RNF213: variants seen among roughly 807,000 people sequenced by gnomAD.
RNF213 encodes E3 ubiquitin-protein ligase RNF213.
In RNF213, 341 loss-of-function variants were observed where a neutral mutation model predicts 514.4. The observed-to-expected ratio is 0.66, with a 90% CI of 0.61 to 0.73. The LOEUF (loss-of-function observed/expected upper bound fraction) is 0.73, where lower values mean the gene tolerates loss of function less well. Among genes scored for constraint, RNF213 ranks in the 30% least tolerant of loss-of-function variants. The probability of loss-of-function intolerance (pLI) is 0.00; values close to 1 mark genes in which losing one functional copy is unlikely to be tolerated. For synonymous variants in RNF213, 2,655 were observed against 2,658.2 expected, an observed-to-expected ratio of 1.00 and a Z score of 0.04; for missense variants, 5,767 against 6,615.6, an observed-to-expected ratio of 0.87 and a Z score of 4.45.
At chr17:80,275,844 G>A (rs8070547) in intron 3 of RNF213, among the ~76,000 whole-genome samples, 75,573 of 151,102 alleles carry the variant, frequency 0.5, 19,119 homozygotes, top group East Asian at 0.62. Flanking sequence ...TTGTATTTTT[G>A]GTAGAGACGG....
chr17:80,262,605 G>A (rs1307229253), intron 1 of RNF213, among the ~76,000 whole-genome samples: 2 of 152,180 alleles, frequency 1.3e-5, no homozygotes, highest in African/African-American at 4.8e-5. Flanking sequence ...GTTTCATGGT[G>A]TGGATTTCCT....
At position 80,292,639 on chromosome 17, in the gene RNF213, G is replaced by A. The variant is rs532806298; in HGVS notation, c.1471+812G>A. Among the ~76,000 whole-genome samples, 9 of 151,682 alleles carry A rather than the reference G, an allele frequency of 5.9e-5. No individual in the cohort carries two copies. The South Asian group carries it at 1.7e-3, about 28-fold the overall frequency. On this transcript the variant is annotated intron_variant, in intron 8 of 67. Coordinates refer to ENST00000582970, the MANE Select transcript of RNF213 (RefSeq NM_001256071.3). ...AATAGACGCGGGCGCTTCCCTTCTCGCAGAGCCCTCTGCGCCCCTTCATGC... is the reference window on the plus strand; with the variant it reads ...AATAGACGCGGGCGCTTCCCTTCTCACAGAGCCCTCTGCGCCCCTTCATGC...
rs143804219 is a variant in RNF213, at chr17:80,345,831, A to G, written c.7496A>G (p.Lys2499Arg). 6.0e-5 allele frequency: 97 copies of G among 1,614,014 alleles called. No homozygotes were observed. Among genetic ancestry groups the G allele is most frequent in the Non-Finnish European group, 7.9e-5 (93 of 1,180,048 alleles). Residue 2499 changes from lysine to arginine, a missense_variant, in exon 29 of 68, where the codon AAA (lysine) becomes AGA (arginine). By Grantham distance (26) the Lys-to-Arg change is conservative (BLOSUM62 2). Around this residue, in one of 13 missense-constraint regions of RNF213, gnomAD observed 1,377 missense variants for 1,635.2 expected, o/e 0.84. Coordinates refer to ENST00000582970, the MANE Select transcript of RNF213 (RefSeq NM_001256071.3). This position sits in a 1 kb window ranked among gnomAD's most constrained non-coding sequence, Gnocchi z 6.0. ...ACAACGGAAGCTATAAGCTGTATCAAAGAAGTCCTGTGTGATCATATGGTG... is the reference window on the plus strand; with the variant it reads ...ACAACGGAAGCTATAAGCTGTATCAGAGAAGTCCTGTGTGATCATATGGTG... ...ANTTEAISCI[K>R]EVLCDHMVDG...
chr17:80,366,156 G>C (rs1221113552), intron 42 of RNF213, among the ~76,000 whole-genome samples: 4 of 152,232 alleles, frequency 2.6e-5, no homozygotes, highest in Non-Finnish European at 4.4e-5. Flanking sequence ...TCCGCCGTGA[G>C]GCTGGCTCCC....
At chr17:80,324,490 A>G (rs1311577640) in intron 17 of RNF213, among the ~76,000 whole-genome samples, 2 of 152,146 alleles carry the variant, frequency 1.3e-5, no homozygotes, top group African/African-American at 4.8e-5. Context: ...TTATCCTTTT[A>G]AATGTCAGAA....
chr17:80,285,422 C>T (rs894932397), intron 3 of RNF213, among the ~76,000 whole-genome samples: 11 of 152,314 alleles, frequency 7.2e-5, no homozygotes, highest in East Asian at 3.9e-4. Flanking sequence ...ATCGCCTCTC[C>T]GAGGGGAGGC....
chr17:80,348,308 T>C, intron 29 of RNF213, 22 bp downstream of exon 29: 1 of 1,607,144 alleles, frequency 6.2e-7, no homozygotes, highest in Non-Finnish European at 8.5e-7. Context: ...TCTGCACTTG[T>C]ACCCTATCCC....
At chr17:80,291,931 G>T (rs1340536917) in intron 8 of RNF213, 104 bp downstream of exon 8, 1 of 1,252,594 alleles carries the variant, frequency 8.0e-7, no homozygotes, top group Non-Finnish European at 1.1e-6. Context: ...TGCCTGGGCA[G>T]TGAGGTCCTC....
intron 21 of RNF213, 190 bp from the exon 22 acceptor site, chr17:80,333,915 A>C (rs1012074947): frequency 2.3e-5 from 14 of 601,938 alleles, no homozygotes; most frequent in Non-Finnish European, 4.1e-5. Flanking sequence ...CATCTTGATC[A>C]GGGAGAAACA....
At chr17:80,269,849 C>G (rs999784711) in intron 2 of RNF213, among the ~76,000 whole-genome samples, 2 of 152,346 alleles carry the variant, frequency 1.3e-5, no homozygotes, top group South Asian at 2.1e-4. Context: ...TAACCCTGTT[C>G]TATACTGTGA....
chr17:80,336,661 T>C lies in RNF213; in HGVS notation c.4527+283T>C, dbSNP rs2077995808. 14 of 430,514 alleles carry C rather than the reference T, an allele frequency of 3.3e-5. 1 individual carries two copies. Among genetic ancestry groups the C allele is most frequent in the South Asian group, 2.1e-4 (10 of 48,402 alleles). The allele number at this position is 430,514 out of a possible 1,614,324, so 26.7% of individuals were successfully genotyped here. A position where few individuals can be genotyped will look rare whatever the true frequency, so the allele number is the denominator to read the frequency against. On this transcript the variant is annotated intron_variant, in intron 23 of 67. Transcript: ENST00000582970. ...TGCTGAAACGTTGCCAGGAGTTTTC[T>C]CTGAATGGTTGTAATTGTCATTTTA...
chr17:80,381,137 T>C (rs912497489), intron 56 of RNF213, 150 bp downstream of exon 56: 29 of 843,290 alleles, frequency 3.4e-5, no homozygotes, highest in Non-Finnish European at 4.8e-5. Flanking sequence ...TACATCTTCA[T>C]GTTTCCCCCT....
At chr17:80,390,542 G>A (rs770630967) in intron 67 of RNF213, among the ~76,000 whole-genome samples, 4 of 151,992 alleles carry the variant, frequency 2.6e-5, no homozygotes, top group African/African-American at 9.7e-5. Context: ...GACTACAGGC[G>A]TGTACCACCA....
chr17:80,368,288 G>T, intron 44 of RNF213, 145 bp downstream of exon 44: 1 of 832,790 alleles, frequency 1.2e-6, no homozygotes, highest in Non-Finnish European at 2.0e-6. Context: ...CGCCACTTAC[G>T]TACTTTCATA....
intron 17 of RNF213, chr17:80,319,942 CG>C: frequency 9.7e-7 from 1 of 1,030,592 alleles, no homozygotes; most frequent in Non-Finnish European, 1.2e-6. Context: ...CATTGAATTC[CG>C]GGGACCAAGG....
rs113957515 is a variant in RNF213 at position 80,290,452 on chromosome 17, C to A, written c.1113-118C>A. 9 of 1,211,766 alleles carry A rather than the reference C, an allele frequency of 7.4e-6. 1 individual carries two copies. Among genetic ancestry groups the A allele is most frequent in the Admixed American group, 1.7e-5 (1 of 57,662 alleles). The allele number at this position is 1,211,766 out of a possible 1,614,324, so 75.1% of individuals were successfully genotyped here. ...GTGCGCGTGTGTGCATGTGTGTGTG[C>A]GAGTGCATGTGTGTGTGCACGTGTG... On this transcript the variant is annotated intron_variant, in intron 6 of 67. Transcript: ENST00000582970.
At chr17:80,358,205 G>A in intron 36 of RNF213, 83 bp from the exon 37 acceptor site, 5 of 1,222,700 alleles carry the variant, frequency 4.1e-6, no homozygotes, top group South Asian at 2.5e-5. Context: ...TAATGCTCAA[G>A]AAGGAACAAA....
At chr17:80,322,143 CA>C in intron 17 of RNF213, among the ~76,000 whole-genome samples, 2 of 130,310 alleles carry the variant, frequency 1.5e-5, no homozygotes, top group African/African-American at 2.9e-5. Context: ...TTTTGCCCCT[CA>C]TCCCCCCCAC....
intron 67 of RNF213, 73 bp downstream of exon 67, chr17:80,390,269 A>C: frequency 6.7e-7 from 1 of 1,485,316 alleles, no homozygotes; most frequent in Non-Finnish European, 9.4e-7. Flanking sequence ...TTCTATAGAC[A>C]CAAAAATAGT....
Sources: gnomAD v4.1 joint callset for allele counts (sites outside exome capture counted in the v4.1 genomes callset) on GRCh38, gnomAD v4.1.1 for gene constraint, gnomAD v4.1.1 regional missense constraint, Gnocchi (gnomAD v3.1) non-coding constraint, MANE v1.5 for transcripts, NCBI Gene and HGNC (gene_info 2026-07-23, HGNC 2026-07-21) for gene names.